Variants in SLC43A2 observed in about 807,000 individuals in gnomAD.
SLC43A2 encodes large neutral amino acids transporter small subunit 4.
A neutral mutation model predicts 63.2 loss-of-function variants in SLC43A2; 38 were observed. The ratio of observed to expected loss-of-function variants is 0.60; its 90% confidence interval spans 0.46 to 0.79. The LOEUF (loss-of-function observed/expected upper bound fraction) is 0.79. Among genes scored for constraint, SLC43A2 ranks in the 30% least tolerant of loss-of-function variants. The probability of loss-of-function intolerance (pLI) is 0.00; values close to 1 mark genes in which losing one functional copy is unlikely to be tolerated. For missense variants in SLC43A2, 644 were observed against 756.2 expected (o/e 0.85, Z 1.74); for synonymous variants, 322 against 331.0 (o/e 0.97, Z 0.30).
intron 5 of SLC43A2, chr17:1,604,568 T>C: frequency 5.9e-6 from 4 of 682,244 alleles, no homozygotes; most frequent in Non-Finnish European, 9.8e-6. Flanking sequence ...TGTAGACATC[T>C]CATCAACACA....
intron 5 of SLC43A2, among the ~76,000 whole-genome samples, chr17:1,607,644 A>T (rs1906736884): frequency 6.6e-6 from 1 of 152,170 alleles, no homozygotes. Context: ...TCAGACGAGG[A>T]ACAGTGACGT....
chr17:1,621,233 A>T (rs770757348), intron 2 of SLC43A2, among the ~76,000 whole-genome samples: 16 of 152,162 alleles, frequency 1.1e-4, no homozygotes, highest in Non-Finnish European at 2.1e-4. Flanking sequence ...TGAGGCAAAG[A>T]GGAGCCTCCC....
chr17:1,615,146 C>CTCA, intron 3 of SLC43A2, 112 bp from the exon 4 acceptor site: 3 of 1,335,254 alleles, frequency 2.2e-6, no homozygotes, highest in Non-Finnish European at 3.1e-6. Flanking sequence ...CTTGCTCTGT[C>CTCA]ACCCGGGCTG....
intron 1 of SLC43A2, chr17:1,628,128 AC>A: frequency 5.5e-6 from 2 of 363,890 alleles, no homozygotes; most frequent in Non-Finnish European, 9.3e-6. Context: ...GCCCTCCGCT[AC>A]GACAGAGCCG....
At chr17:1,603,507 G>A (rs181406652) in intron 5 of SLC43A2, among the ~76,000 whole-genome samples, 1 of 151,644 alleles carries the variant, frequency 6.6e-6, no homozygotes, top group African/African-American at 2.4e-5. Flanking sequence ...CCATGAGGCC[G>A]GGCGCGGTGG....
At chr17:1,585,683 T>C in intron 10 of SLC43A2, 2 of 1,465,878 alleles carry the variant, frequency 1.4e-6, no homozygotes, top group Non-Finnish European at 1.8e-6. Flanking sequence ...TCACCGCACC[T>C]GGCCTCAAAC....
intron 2 of SLC43A2, among the ~76,000 whole-genome samples, chr17:1,622,763 A>C (rs1908287437): frequency 6.6e-6 from 1 of 151,160 alleles, no homozygotes; most frequent in South Asian, 2.1e-4. Flanking sequence ...AAAATACAAA[A>C]ATTAGCCGGG....
Position 1,615,757 on chromosome 17 carries a change from A to G in SLC43A2, c.369-723T>C, listed in dbSNP as rs868052183. Among the ~76,000 whole-genome samples, 634 of 148,390 alleles carry G rather than the reference A, an allele frequency of 4.3e-3. 1 individual carries two copies. The highest frequency in any genetic ancestry group is 6.7e-3 in the African/African-American group (271 of 40,572). ...ACTCGGGAGGCTGAGGCAGGAGAATAGCGTGAACCCGGGAGGCGGAGCTCG... is the reference window on the plus strand; with the variant it reads ...ACTCGGGAGGCTGAGGCAGGAGAATGGCGTGAACCCGGGAGGCGGAGCTCG... On this transcript the variant is annotated intron_variant, in intron 3 of 13. Transcript: ENST00000301335.
At chr17:1,601,829 C>A (rs935322758) in intron 5 of SLC43A2, among the ~76,000 whole-genome samples, 1 of 142,712 alleles carries the variant, frequency 7.0e-6, no homozygotes, top group African/African-American at 2.7e-5. Context: ...CGATGCAAAG[C>A]CACTATTGAG....
chr17:1,586,928 T>TGGCCCCCCCCCCCCCCCAACCC, intron 9 of SLC43A2: 3 of 1,232,902 alleles, frequency 2.4e-6, no homozygotes, highest in Non-Finnish European at 3.4e-6. Context: ...TCCCTGACAA[T>TGGCCCCCCCCCCCCCCCAACCC]CCCCCCCACC....
At chr17:1,597,580 ACC>A (rs1295168920) in intron 5 of SLC43A2, among the ~76,000 whole-genome samples, 2 of 151,250 alleles carry the variant, frequency 1.3e-5, no homozygotes, top group Non-Finnish European at 2.9e-5. Flanking sequence ...TGGGCGGATC[ACC>A]TGAGGTCAGG....
At chr17:1,611,595 A>C (rs1165206703) in intron 5 of SLC43A2, among the ~76,000 whole-genome samples, 2 of 151,120 alleles carry the variant, frequency 1.3e-5, no homozygotes, top group Non-Finnish European at 2.9e-5. Flanking sequence ...AGATTGCGTC[A>C]CTGCACTCCA....
chr17:1,591,719 C>CGGGGGGGGGGGGGGGG lies in SLC43A2; in HGVS notation c.595-21_595-20insCCCCCCCCCCCCCCCC. The CGGGGGGGGGGGGGGGG allele has an allele frequency of 1.7e-5, 2 of 118,046 alleles. No individual in the cohort carries two copies. The highest frequency in any genetic ancestry group is 3.6e-5 in the Non-Finnish European group (2 of 55,422). 7.3% of individuals were successfully genotyped at this position (118,046 alleles called of 1,614,324 possible). A position where few individuals can be genotyped will look rare whatever the true frequency, so the allele number is the denominator to read the frequency against. ...GATGAGCTGACAGGCACCGCGGGGA[C>CGGGGGGGGGGGGGGGG]GGGGTGGGGGGGGGAGGGGGCAGAG... On this transcript the variant is annotated intron_variant, in intron 6 of 13. Transcript: ENST00000301335.
At chr17:1,607,875 C>G (rs1056355955) in intron 5 of SLC43A2, among the ~76,000 whole-genome samples, 1 of 152,140 alleles carries the variant, frequency 6.6e-6, no homozygotes, top group Non-Finnish European at 1.5e-5. Context: ...ACCACCACAT[C>G]TGGCTAATTT....
At chr17:1,581,965 C>T (rs773909879) in intron 11 of SLC43A2, among the ~76,000 whole-genome samples, 5 of 151,908 alleles carry the variant, frequency 3.3e-5, no homozygotes, top group East Asian at 1.9e-4. Flanking sequence ...TGCCACCACG[C>T]CCAGCTAATT....
chr17:1,629,046 C>A (rs1045834681), upstream of SLC43A2, among the ~76,000 whole-genome samples: 13 of 152,274 alleles, frequency 8.5e-5, no homozygotes, highest in African/African-American at 3.1e-4. Flanking sequence ...CGGGCCGGGC[C>A]TCGGCTTTGC....
Position 1,606,563 on chromosome 17 carries a change from C to T in SLC43A2, c.501+6632G>A, listed in dbSNP as rs1906629229. 6.6e-6 allele frequency among the ~76,000 whole-genome samples: 1 copy of T among 152,200 alleles called. No homozygotes were observed. Among genetic ancestry groups the T allele is most frequent in the African/African-American group, 2.4e-5 (1 of 41,450 alleles). ...AGGTTCACAATTTTGGCTACAGCTG[C>T]TCCCATCTCTAAGCAACCCAGGCTC... On this transcript the variant is annotated intron_variant, in intron 5 of 13. Transcript: ENST00000301335. The surrounding 1 kb of genome is among the most constrained non-coding windows in gnomAD (Gnocchi z 4.7).
chr17:1,614,350 G>A (rs1008913099), intron 4 of SLC43A2, among the ~76,000 whole-genome samples: 1 of 152,120 alleles, frequency 6.6e-6, no homozygotes. Flanking sequence ...GGTCCAGGGT[G>A]CAGTAAGCTG....
intron 5 of SLC43A2, among the ~76,000 whole-genome samples, chr17:1,603,994 T>C (rs1472649663): frequency 6.6e-6 from 1 of 152,202 alleles, no homozygotes; most frequent in Non-Finnish European, 1.5e-5. Flanking sequence ...ATGTGCCTTA[T>C]TAAGATCCAA....
Sources: allele counts gnomAD v4.1 joint callset (sites outside exome capture counted in the v4.1 genomes callset), GRCh38; gene constraint gnomAD v4.1.1; non-coding constraint Gnocchi (gnomAD v3.1); transcripts MANE v1.5; gene names NCBI Gene and HGNC (gene_info 2026-07-23, HGNC 2026-07-21).